Variants in RFTN1 observed in about 807,000 individuals in gnomAD.
The protein encoded by RFTN1 is raftlin.
RFTN1 carries 26 observed loss-of-function variants against 46.5 expected under a neutral mutation model. The ratio of observed to expected loss-of-function variants is 0.56; its 90% CI spans 0.41 to 0.78. The LOEUF is 0.78. Among genes scored for constraint, RFTN1 ranks in the 30% least tolerant of loss-of-function variants. RFTN1 has a pLI of 0.00. For missense variants in RFTN1, 693 were observed against 718.7 expected (o/e 0.96, Z 0.41); for synonymous variants, 261 against 284.2 (o/e 0.92, Z 0.82).
intron 7 of RFTN1, chr3:16,339,721 C>G (rs1486787430): frequency 6.6e-6 from 1 of 152,232 alleles, no homozygotes; most frequent in Non-Finnish European, 1.5e-5. Flanking sequence ...TTGATCATGA[C>G]TTGGTGCTTC....
chr3:16,402,106 C>T lies in RFTN1; in HGVS notation c.441+7269G>A, dbSNP rs1011003510. On this transcript the variant is annotated intron_variant, in intron 4 of 9. Transcript: ENST00000334133. This position sits in a 1 kb window ranked among gnomAD's most constrained non-coding sequence, Gnocchi z 4.5. Reference sequence around the variant, plus strand: ...CATACAACCATCCCCATTCTCATCACCTCTCTGCCCCCAGGGCTCCTCATG... The same window carrying T: ...CATACAACCATCCCCATTCTCATCATCTCTCTGCCCCCAGGGCTCCTCATG... Among the ~76,000 whole-genome samples, 1 of 152,198 alleles carries T rather than the reference C, an allele frequency of 6.6e-6. No homozygotes were observed. The highest frequency in any genetic ancestry group is 1.5e-5 in the Non-Finnish European group (1 of 68,034).
chr3:16,329,343 G>A lies in RFTN1; in HGVS notation c.1147-2467C>T, dbSNP rs1024880182. On this transcript the variant is annotated intron_variant, in intron 7 of 9. Coordinates refer to ENST00000334133, the MANE Select transcript of RFTN1 (RefSeq NM_015150.2). The surrounding 1 kb of genome is among the most constrained non-coding windows in gnomAD (Gnocchi z 4.5). ...TGGACCGAGACAGGGCGGAAGTGGA[G>A]AAAGGGAAAGGGAAAGAGGAAACTT... Among the ~76,000 whole-genome samples the A allele has an allele frequency of 3.8e-5, 4 of 105,580 alleles. No individual in the cohort carries two copies. Among genetic ancestry groups the A allele is most frequent in the African/African-American group, 1.0e-4 (3 of 29,810 alleles). 69.3% of individuals were successfully genotyped at this position (105,580 alleles called of 152,430 possible). A position where few individuals can be genotyped will look rare whatever the true frequency, so the allele number is the denominator to read the frequency against.
At chr3:16,497,573 C>A (rs1055587724) in intron 1 of RFTN1, among the ~76,000 whole-genome samples, 1 of 152,176 alleles carries the variant, frequency 6.6e-6, no homozygotes, top group Non-Finnish European at 1.5e-5. Flanking sequence ...CAAGGGAAGG[C>A]TCTCATGCCC....
At chr3:16,368,515 C>CA (rs535871988) in intron 6 of RFTN1, among the ~76,000 whole-genome samples, 48 of 152,100 alleles carry the variant, frequency 3.2e-4, no homozygotes, top group African/African-American at 1.0e-3. Flanking sequence ...ACTAAAAATA[C>CA]AAAAAAATTA....
chr3:16,369,966 C>T (rs1021037906), intron 6 of RFTN1, 110 bp downstream of exon 6: 15 of 1,003,096 alleles, frequency 1.5e-5, no homozygotes, highest in East Asian at 7.2e-5. Context: ...GCATGGTTAT[C>T]GGCTGCAGAG....
chr3:16,461,211 G>A (rs1043260940), intron 2 of RFTN1, among the ~76,000 whole-genome samples: 2 of 151,578 alleles, frequency 1.3e-5, no homozygotes, highest in African/African-American at 4.8e-5. Context: ...GCTATAATGA[G>A]TTTCTTAGGC....
chr3:16,406,594 C>A (rs548434088), intron 4 of RFTN1, among the ~76,000 whole-genome samples: 7 of 152,304 alleles, frequency 4.6e-5, no homozygotes, highest in Non-Finnish European at 7.4e-5. Flanking sequence ...ATGACAGGAA[C>A]AGGATGATAC....
intron 4 of RFTN1, among the ~76,000 whole-genome samples, chr3:16,379,578 G>A (rs2073911523): frequency 6.6e-6 from 1 of 152,180 alleles, no homozygotes; most frequent in Non-Finnish European, 1.5e-5. Context: ...CTGGGCCAAA[G>A]TTCATTCTTT....
chr3:16,404,357 TATACAC>T lies in RFTN1; in HGVS notation c.441+5012_441+5017del, dbSNP rs1208554695. ...TATAATATATATAATATATAATATA[TATACAC>T]AATATATAATATATATAATATATAA... On this transcript the variant is annotated intron_variant, in intron 4 of 9. Coordinates refer to ENST00000334133, the MANE Select transcript of RFTN1 (RefSeq NM_015150.2). 4.2e-3 allele frequency among the ~76,000 whole-genome samples: 250 copies of T among 59,400 alleles called. 54 individuals carry two copies. The highest frequency in any genetic ancestry group is 0.014 in the African/African-American group (196 of 13,688). 39.0% of individuals were successfully genotyped at this position (59,400 alleles called of 152,430 possible).
At chr3:16,375,045 AGAG>A (rs1172174768) in intron 5 of RFTN1, among the ~76,000 whole-genome samples, 2 of 152,226 alleles carry the variant, frequency 1.3e-5, no homozygotes, top group Non-Finnish European at 2.9e-5. Context: ...GAAGGAGGGA[AGAG>A]GAGGGAGACT....
chr3:16,417,009 CTTTTT>C (rs72060599), intron 3 of RFTN1, among the ~76,000 whole-genome samples: 2 of 121,286 alleles, frequency 1.6e-5, no homozygotes, highest in Non-Finnish European at 1.7e-5. Flanking sequence ...TTTTCTTTTT[CTTTTT>C]TTTTTTTTTT....
rs1033761601 is a variant in RFTN1 at position 16,387,922 on chromosome 3, T to C, written c.442-9820A>G. Among the ~76,000 whole-genome samples the C allele has an allele frequency of 1.3e-5, 2 of 152,188 alleles. No individual in the cohort carries two copies. Among genetic ancestry groups the C allele is most frequent in the Admixed American group, 1.3e-4 (2 of 15,280 alleles). On this transcript the variant is annotated intron_variant, in intron 4 of 9. Transcript: ENST00000334133. This position sits in a 1 kb window ranked among gnomAD's most constrained non-coding sequence, Gnocchi z 5.2. Reference sequence around the variant, plus strand: ...TTCCTTGGCCTCACCACCACCTTTCTGCTGGTTTTCTTCCTGCATGCTGGC... The same window carrying C: ...TTCCTTGGCCTCACCACCACCTTTCCGCTGGTTTTCTTCCTGCATGCTGGC...
intron 8 of RFTN1, among the ~76,000 whole-genome samples, chr3:16,324,492 C>T (rs1362381986): frequency 6.6e-6 from 1 of 152,082 alleles, no homozygotes; most frequent in Non-Finnish European, 1.5e-5. Flanking sequence ...TTCTATGACT[C>T]AACTTTTTTA....
chr3:16,320,488 C>T lies in RFTN1; in HGVS notation c.1332+2888G>A, dbSNP rs903038065. 2.6e-5 allele frequency among the ~76,000 whole-genome samples: 4 copies of T among 152,156 alleles called. No individual in the cohort carries two copies. Among genetic ancestry groups the T allele is most frequent in the African/African-American group, 9.7e-5 (4 of 41,406 alleles). On this transcript the variant is annotated intron_variant, in intron 9 of 9. Coordinates refer to ENST00000334133, the MANE Select transcript of RFTN1 (RefSeq NM_015150.2). The surrounding 1 kb of genome is among the most constrained non-coding windows in gnomAD (Gnocchi z 4.5). ...TTGAGCACCAACTAAAATCTGGGTACACAACACAGGAAAAAGGTCTTTGCT... is the reference window on the plus strand; with the variant it reads ...TTGAGCACCAACTAAAATCTGGGTATACAACACAGGAAAAAGGTCTTTGCT...
At chr3:16,318,391 TAG>T (rs1483487180) in intron 9 of RFTN1, among the ~76,000 whole-genome samples, 1 of 152,138 alleles carries the variant, frequency 6.6e-6, no homozygotes, top group African/African-American at 2.4e-5. Flanking sequence ...CTTGCTGGGC[TAG>T]AGAGAGGAGC....
chr3:16,476,141 G>T (rs1374916794), intron 2 of RFTN1, among the ~76,000 whole-genome samples: 1 of 152,212 alleles, frequency 6.6e-6, no homozygotes, highest in Non-Finnish European at 1.5e-5. Flanking sequence ...TGTGCAAACT[G>T]CATCCTCGCT....
Position 16,397,599 on chromosome 3 carries a change from TA to T in RFTN1, c.441+11775del, listed in dbSNP as rs2074499140. Among the ~76,000 whole-genome samples, 6 of 152,230 alleles carry T rather than the reference TA, an allele frequency of 3.9e-5. No individual in the cohort carries two copies. The South Asian group carries it at 1.2e-3, about 32-fold the overall frequency. The stretch of plus-strand genomic sequence containing the variant: ...TGCTGTAAACCTTAAATATGTACAA[TA>T]AAAATAAAACTTAAAAATAAATAGA... On this transcript the variant is annotated intron_variant, in intron 4 of 9. Transcript: ENST00000334133.
intron 3 of RFTN1, among the ~76,000 whole-genome samples, chr3:16,415,092 A>T (rs1358266192): frequency 6.6e-6 from 1 of 152,152 alleles, no homozygotes; most frequent in Non-Finnish European, 1.5e-5. Flanking sequence ...GCAAGGGATG[A>T]TGATGGCTCA....
At chr3:16,441,827 C>T (rs2075630559) in intron 2 of RFTN1, among the ~76,000 whole-genome samples, 1 of 152,230 alleles carries the variant, frequency 6.6e-6, no homozygotes, top group Non-Finnish European at 1.5e-5. Flanking sequence ...AACCAAATCT[C>T]TCTTTTTTAA....
Sources: allele counts gnomAD v4.1 joint callset (sites outside exome capture counted in the v4.1 genomes callset), GRCh38; gene constraint gnomAD v4.1.1; non-coding constraint Gnocchi (gnomAD v3.1); transcripts MANE v1.5; gene names NCBI Gene and HGNC (gene_info 2026-07-23, HGNC 2026-07-21).